The following FEZ2 variants were observed in gnomAD, a reference collection of about 807,000 sequenced individuals.
FEZ2 encodes the protein fasciculation and elongation protein zeta 2, also known as fasciculation and elongation protein zeta-2.
Under a neutral mutation model 40.4 loss-of-function variants are expected in FEZ2, and 51 were observed. That is an observed-to-expected ratio of 1.26 (90% confidence interval 1.01 to 1.59). The LOEUF is 1.59. Ranked by LOEUF, FEZ2 falls within the 40% of genes most tolerant of loss-of-function variation. FEZ2 has a pLI of 0.00. For missense variants in FEZ2, 640 were observed against 438.3 expected, an observed-to-expected ratio of 1.46 and a Z score of -4.11; for synonymous variants, 242 against 172.0, an observed-to-expected ratio of 1.41 and a Z score of -3.18.
intron 3 of FEZ2, among the ~76,000 whole-genome samples, chr2:36,583,024 C>G (rs972105526): frequency 6.6e-6 from 1 of 152,162 alleles, no homozygotes; most frequent in Non-Finnish European, 1.5e-5. Flanking sequence ...AGATACTTTA[C>G]AGTTTGTCCG....
At chr2:36,571,503 A>C (rs1226918932) in intron 5 of FEZ2, among the ~76,000 whole-genome samples, 2 of 151,782 alleles carry the variant, frequency 1.3e-5, no homozygotes, top group Non-Finnish European at 2.9e-5. Context: ...TCTACTAAAA[A>C]AAATTAGCCG....
At chr2:36,569,368 T>C (rs1004215284) in intron 5 of FEZ2, among the ~76,000 whole-genome samples, 1 of 152,140 alleles carries the variant, frequency 6.6e-6, no homozygotes, top group African/African-American at 2.4e-5. Flanking sequence ...ATAAATAAAA[T>C]TGCAGCTGAG....
At chr2:36,590,091 A>G (rs1443407631) in intron 2 of FEZ2, 1 of 152,186 alleles carries the variant, frequency 6.6e-6, no homozygotes, top group Non-Finnish European at 1.5e-5. Context: ...TCGTGCTCAC[A>G]CTTCTTAGTC....
At chr2:36,561,031 T>C (rs1205891423) in intron 5 of FEZ2, among the ~76,000 whole-genome samples, 1 of 152,288 alleles carries the variant, frequency 6.6e-6, no homozygotes, top group Non-Finnish European at 1.5e-5. Context: ...TTTAAAATGC[T>C]GTTGCTTCCA....
chr2:36,566,319 G>C (rs1312067345), intron 5 of FEZ2, among the ~76,000 whole-genome samples: 1 of 145,348 alleles, frequency 6.9e-6, no homozygotes. Context: ...CACCCTGGAC[G>C]ACAGAGCGAG....
At chr2:36,556,143 C>A in intron 6 of FEZ2, 3 of 417,324 alleles carry the variant, frequency 7.2e-6, no homozygotes, top group South Asian at 1.9e-5. Flanking sequence ...TGCTGCAGAT[C>A]AAGCAAACTA....
Position 36,598,097 on chromosome 2 carries a change from G to T in FEZ2, c.46C>A (p.Pro16Thr). The change falls in exon 1 of 8, where the codon CCG becomes ACG. Residue 16 changes from proline to threonine, a missense_variant. By Grantham distance (38) the Pro-to-Thr change is conservative. Coordinates refer to ENST00000405912, the MANE Select transcript of FEZ2 (RefSeq NM_005102.3). ...TCCTGGTCCAGGAGGCTCCGGGCCG[G>T]CTCCTGGAACTCATAGAAATCCTGC... is the stretch of plus-strand genomic sequence containing the variant. ...DWQDFYEFQE[P>T]ARSLLDQENC... The T allele has an allele frequency of 2.7e-6, 4 of 1,495,332 alleles. No homozygotes were observed. Among genetic ancestry groups the T allele is most frequent in the Non-Finnish European group, 3.5e-6 (4 of 1,129,146 alleles). The allele number at this position is 1,495,332 out of a possible 1,614,324, so 92.6% of individuals were successfully genotyped here.
intron 7 of FEZ2, among the ~76,000 whole-genome samples, chr2:36,553,485 T>A (rs1667874898): frequency 6.6e-6 from 1 of 152,002 alleles, no homozygotes; most frequent in East Asian, 1.9e-4. Flanking sequence ...ACAAACAGGA[T>A]CCCTAGGGAA....
At chr2:36,568,231 T>TTGATAACATTTCTC (rs534561613) in intron 5 of FEZ2, among the ~76,000 whole-genome samples, 2 of 152,108 alleles carry the variant, frequency 1.3e-5, no homozygotes, top group African/African-American at 4.8e-5. Context: ...AAGCATTTCT[T>TTGATAACATTTCTC]TGATAACATT....
At chr2:36,594,471 A>G (rs10198165) in intron 1 of FEZ2, 196,863 of 200,370 alleles carry the variant, frequency 0.98, 96,725 homozygotes, top group African/African-American at 1. Flanking sequence ...GGCACTTCTT[A>G]CATGGCGGCA....
intron 3 of FEZ2, among the ~76,000 whole-genome samples, chr2:36,581,841 T>C (rs950869612): frequency 1.3e-5 from 2 of 152,036 alleles, no homozygotes; most frequent in African/African-American, 2.4e-5. Flanking sequence ...TTTAAAGGTA[T>C]CTCATCAAAA....
chr2:36,562,497 T>C (rs866719429), intron 5 of FEZ2, among the ~76,000 whole-genome samples: 1 of 152,192 alleles, frequency 6.6e-6, no homozygotes, highest in Non-Finnish European at 1.5e-5. Context: ...CCTCTCCTCC[T>C]AAACCATCCA....
At chr2:36,569,433 A>T (rs1300484295) in intron 5 of FEZ2, among the ~76,000 whole-genome samples, 11 of 152,374 alleles carry the variant, frequency 7.2e-5, no homozygotes, top group African/African-American at 2.4e-4. Context: ...AACAACATAA[A>T]GAGACATTAC....
At chr2:36,590,717 A>G (rs1345004355) in intron 2 of FEZ2, 186 bp downstream of exon 2, 7 of 531,784 alleles carry the variant, frequency 1.3e-5, no homozygotes, top group Non-Finnish European at 2.0e-5. Flanking sequence ...CTGGAGAAGA[A>G]CTGGAGGAAT....
At chr2:36,554,152 A>C in intron 7 of FEZ2, 1 of 469,748 alleles carries the variant, frequency 2.1e-6, no homozygotes, top group South Asian at 1.6e-5. Context: ...GGTACAGTAT[A>C]GATAGAACTG....
intron 5 of FEZ2, among the ~76,000 whole-genome samples, chr2:36,566,091 C>T (rs749179746): frequency 3.3e-5 from 5 of 152,140 alleles, no homozygotes; most frequent in Non-Finnish European, 4.4e-5. Context: ...AACTGTGGAT[C>T]AATTAATGTT....
At chr2:36,591,416 T>A (rs1669069470) in intron 1 of FEZ2, 1 of 163,630 alleles carries the variant, frequency 6.1e-6, no homozygotes, top group Non-Finnish European at 1.3e-5. Context: ...GAAGAAATGT[T>A]TCCAGGGTCA....
At chr2:36,593,750 A>C (rs536666476) in intron 1 of FEZ2, among the ~76,000 whole-genome samples, 18 of 152,048 alleles carry the variant, frequency 1.2e-4, no homozygotes, top group African/African-American at 3.9e-4. Flanking sequence ...CATGGCCTGG[A>C]GACATTTTCC....
In FEZ2 at chr2:36,582,432, T is replaced by C. The variant is rs187840998; in HGVS notation, c.492+921A>G. ...GGTACAATGAGCCACTCAAGGATCCTACAGAATCTGTTATTCTAACTCTTA... is the reference window on the plus strand; with the variant it reads ...GGTACAATGAGCCACTCAAGGATCCCACAGAATCTGTTATTCTAACTCTTA... On this transcript the variant is annotated intron_variant, in intron 3 of 7. Coordinates refer to ENST00000405912, the MANE Select transcript of FEZ2 (RefSeq NM_005102.3). Among the ~76,000 whole-genome samples, 648 of 152,234 alleles carry C rather than the reference T, an allele frequency of 4.3e-3. 5 individuals carry two copies. Among genetic ancestry groups the C allele is most frequent in the Middle Eastern group, 0.01 (3 of 294 alleles).
Sources: gnomAD v4.1 joint callset for allele counts (sites outside exome capture counted in the v4.1 genomes callset) on GRCh38, gnomAD v4.1.1 for gene constraint, MANE v1.5 for transcripts, NCBI Gene and HGNC (gene_info 2026-07-23, HGNC 2026-07-21) for gene names.